The following RBFOX3 variants were observed in gnomAD, a reference collection of about 807,000 sequenced individuals.
RBFOX3 encodes the protein RNA binding fox-1 homolog 3.
A neutral mutation model predicts 48.7 loss-of-function variants in RBFOX3; 17 were observed. That is an observed-to-expected ratio of 0.35 (90% CI 0.24 to 0.52). RBFOX3 has a LOEUF of 0.52. Among genes scored for constraint, RBFOX3 ranks in the 20% least tolerant of loss-of-function variants. RBFOX3 has a pLI of 0.94. For synonymous variants in RBFOX3, 212 were observed against 209.5 expected (o/e 1.01, Z -0.10); for missense variants, 382 against 497.5 (o/e 0.77, Z 2.21).
chr17:79,461,292 A>C (rs1290051773), intron 2 of RBFOX3, among the ~76,000 whole-genome samples: 5 of 152,242 alleles, frequency 3.3e-5, no homozygotes, highest in African/African-American at 1.2e-4. Context: ...TCAGCCCATG[A>C]GGACCTCTGG....
intron 4 of RBFOX3, among the ~76,000 whole-genome samples, chr17:79,197,388 C>CTTTTT (rs72118967): frequency 2.7e-5 from 3 of 112,804 alleles, no homozygotes; most frequent in African/African-American, 6.2e-5. Flanking sequence ...TTCTTTCTTT[C>CTTTTT]TTTTTTTTTT....
chr17:79,320,340 G>GCCGGCAGCCCAGACCC (rs2078327392), intron 2 of RBFOX3, among the ~76,000 whole-genome samples: 1 of 152,196 alleles, frequency 6.6e-6, no homozygotes. Flanking sequence ...CCCTACCAGT[G>GCCGGCAGCCCAGACCC]CTGGCAGCCT....
At chr17:79,097,270 C>T in intron 11 of RBFOX3, 22 bp downstream of exon 11, 1 of 1,528,250 alleles carries the variant, frequency 6.5e-7, no homozygotes, top group Non-Finnish European at 8.8e-7. Flanking sequence ...TCCTCCACGC[C>T]TCCCCCGGCC....
Position 79,126,939 on chromosome 17 carries a change from C to T in RBFOX3, c.-33-11191G>A, listed in dbSNP as rs191434465. Reference sequence around the variant, plus strand: ...CTTTGCAGGCATCCCACAGCCTCCTCTTCGCAGGCTGGTCCTCCAAGAACG... The same window carrying T: ...CTTTGCAGGCATCCCACAGCCTCCTTTTCGCAGGCTGGTCCTCCAAGAACG... On this transcript the variant is annotated intron_variant, in intron 4 of 14. Coordinates refer to ENST00000693108, the MANE Select transcript of RBFOX3 (RefSeq NM_001350451.2). 1.2e-3 allele frequency among the ~76,000 whole-genome samples: 188 copies of T among 152,346 alleles called. 2 individuals carry two copies. The highest frequency in any genetic ancestry group is 4.2e-3 in the African/African-American group (175 of 41,568).
chr17:79,147,560 G>C (rs1024877828), intron 4 of RBFOX3, among the ~76,000 whole-genome samples: 3 of 152,170 alleles, frequency 2.0e-5, no homozygotes, highest in South Asian at 2.1e-4. Context: ...TGGGGAGGGG[G>C]GGGGCTCACC....
At chr17:79,182,873 G>A (rs1334247011) in intron 4 of RBFOX3, among the ~76,000 whole-genome samples, 1 of 151,120 alleles carries the variant, frequency 6.6e-6, no homozygotes, top group East Asian at 2.0e-4. Flanking sequence ...CTGCCAGGGA[G>A]GATGCCCCGC....
At chr17:79,624,904 C>T in the RBFOX3 span, among the ~76,000 whole-genome samples, 1 of 147,330 alleles carries the variant, frequency 6.8e-6, no homozygotes, top group Non-Finnish European at 1.5e-5. Context: ...AGGAAGGGGT[C>T]CCCACCACGA....
chr17:79,432,885 G>A (rs1198874692), intron 2 of RBFOX3, among the ~76,000 whole-genome samples: 2 of 152,340 alleles, frequency 1.3e-5, no homozygotes, highest in African/African-American at 2.4e-5. Context: ...CCTGAAGATC[G>A]GTGCTTTACA....
intron 2 of RBFOX3, among the ~76,000 whole-genome samples, chr17:79,351,992 C>T (rs2084032422): frequency 6.6e-6 from 1 of 152,094 alleles, no homozygotes; most frequent in Admixed American, 6.6e-5. Flanking sequence ...GCCTGTGAAC[C>T]CCGGCTTCTA....
chr17:79,424,892 G>A (rs1027993005), intron 2 of RBFOX3, among the ~76,000 whole-genome samples: 2 of 152,004 alleles, frequency 1.3e-5, no homozygotes, highest in African/African-American at 4.8e-5. Context: ...CCCCACCATG[G>A]TCAACTGTCT....
Position 79,380,776 on chromosome 17 carries a change from G to GCCACCACACTTTCTAAACACCTCCAGCCT in RBFOX3, c.-174-72981_-174-72953dup, listed in dbSNP as rs1256141702. Among the ~76,000 whole-genome samples, 298 of 152,050 alleles carry GCCACCACACTTTCTAAACACCTCCAGCCT rather than the reference G, an allele frequency of 2.0e-3. 1 individual carries two copies. Among genetic ancestry groups the GCCACCACACTTTCTAAACACCTCCAGCCT allele is most frequent in the African/African-American group, 5.7e-3 (236 of 41,432 alleles). ...TTCTACCTGCGTGCTCTGGTGCCCT[G>GCCACCACACTTTCTAAACACCTCCAGCCT]CCACCACACTTTCTAAACACCTCCA... is the stretch of plus-strand genomic sequence containing the variant. On this transcript the variant is annotated intron_variant, in intron 2 of 14. Transcript: ENST00000693108.
At chr17:79,116,507 C>T (rs1266896808) in intron 4 of RBFOX3, among the ~76,000 whole-genome samples, 2 of 152,244 alleles carry the variant, frequency 1.3e-5, no homozygotes, top group African/African-American at 4.8e-5. Flanking sequence ...GAGAGCGAAA[C>T]TTCATCTTCA....
At chr17:79,131,483 C>A (rs2038895810) in intron 4 of RBFOX3, among the ~76,000 whole-genome samples, 1 of 152,214 alleles carries the variant, frequency 6.6e-6, no homozygotes, top group Non-Finnish European at 1.5e-5. Flanking sequence ...CCACCACCAC[C>A]CGCAGGAGCC....
At chr17:79,169,645 C>T (rs187928900) in intron 4 of RBFOX3, among the ~76,000 whole-genome samples, 88 of 152,304 alleles carry the variant, frequency 5.8e-4, no homozygotes, top group African/African-American at 1.6e-3. Context: ...CATGAGGCAG[C>T]CCCAAAAGGC....
At chr17:79,267,393 C>CT (rs71161656) in intron 3 of RBFOX3, among the ~76,000 whole-genome samples, 4,624 of 149,352 alleles carry the variant, frequency 0.031, 55 homozygotes, top group Non-Finnish European at 0.039. Context: ...CACTCTCTCT[C>CT]TTTTTTTTTT....
At position 79,423,022 on chromosome 17, in the gene RBFOX3, C is replaced by T. The variant is rs28488483; in HGVS notation, c.-175+59432G>A. ...ACACCAGAAAGAGTCCTCACAGGCA[C>T]GGGACAGGCCGGCCCCTGCGACGGG... is the stretch of plus-strand genomic sequence containing the variant. On this transcript the variant is annotated intron_variant, in intron 2 of 14. Coordinates refer to ENST00000693108, the MANE Select transcript of RBFOX3 (RefSeq NM_001350451.2). This position sits in a 1 kb window ranked among gnomAD's most constrained non-coding sequence, Gnocchi z 4.9. Among the ~76,000 whole-genome samples, 29,774 of 152,120 alleles carry T rather than the reference C, an allele frequency of 0.2. 3,191 individuals are homozygous for T. Among genetic ancestry groups the T allele is most frequent in the East Asian group, 0.4 (2,085 of 5,158 alleles).
At chr17:79,120,945 A>T (rs758660978) in intron 4 of RBFOX3, among the ~76,000 whole-genome samples, 2 of 151,990 alleles carry the variant, frequency 1.3e-5, no homozygotes, top group African/African-American at 2.4e-5. Context: ...ACCCTGAATG[A>T]TTCATTCAGA....
intron 2 of RBFOX3, among the ~76,000 whole-genome samples, chr17:79,328,217 T>C (rs1478890874): frequency 6.6e-6 from 1 of 152,186 alleles, no homozygotes; most frequent in Non-Finnish European, 1.5e-5. Flanking sequence ...CCAGGAGGCG[T>C]GAGGCTGGAT....
chr17:79,558,694 G>C (rs1038844437), intron 1 of RBFOX3, among the ~76,000 whole-genome samples: 12 of 152,164 alleles, frequency 7.9e-5, no homozygotes, highest in African/African-American at 2.9e-4. Context: ...TGCCTTGCGG[G>C]GATTGGGTTA....
Sources: allele counts gnomAD v4.1 joint callset (sites outside exome capture counted in the v4.1 genomes callset), GRCh38; gene constraint gnomAD v4.1.1; non-coding constraint Gnocchi (gnomAD v3.1); transcripts MANE v1.5; gene names NCBI Gene and HGNC (gene_info 2026-07-23, HGNC 2026-07-21).